Variants in LIPH observed in about 807,000 individuals in gnomAD.
The protein encoded by LIPH is lipase member H.
LIPH carries 32 observed loss-of-function variants against 47.6 expected under a neutral mutation model. That is an observed-to-expected ratio of 0.67 (90% CI 0.51 to 0.90). The LOEUF (loss-of-function observed/expected upper bound fraction) is 0.90, where lower values mean the gene tolerates loss of function less well. Among genes scored for constraint, LIPH ranks in the 40% least tolerant of loss-of-function variants. The probability of loss-of-function intolerance (pLI) is 0.00; values close to 1 mark genes in which losing one functional copy is unlikely to be tolerated. For missense variants in LIPH, 497 were observed against 541.4 expected (o/e 0.92, Z 0.81); for synonymous variants, 190 against 195.6 (o/e 0.97, Z 0.24).
intron 3 of LIPH, among the ~76,000 whole-genome samples, chr3:185,530,102 C>T (rs942188625): frequency 7.9e-5 from 12 of 152,032 alleles, no homozygotes; most frequent in African/African-American, 2.7e-4. Flanking sequence ...GGCTTGAGGC[C>T]GGGAGTTTGA....
At chr3:185,541,171 C>T (rs1417142236) in intron 1 of LIPH, among the ~76,000 whole-genome samples, 2 of 152,066 alleles carry the variant, frequency 1.3e-5, no homozygotes, top group African/African-American at 2.4e-5. Flanking sequence ...ATGTTTAAGC[C>T]TCTGTGTATT....
intron 8 of LIPH, among the ~76,000 whole-genome samples, chr3:185,513,729 T>C (rs1461129419): frequency 6.6e-6 from 1 of 152,024 alleles, no homozygotes; most frequent in African/African-American, 2.4e-5. Flanking sequence ...TATAATCAAA[T>C]ATTACTCAGC....
At chr3:185,542,712 C>T (rs1720750487) in intron 1 of LIPH, among the ~76,000 whole-genome samples, 1 of 152,146 alleles carries the variant, frequency 6.6e-6, no homozygotes, top group South Asian at 2.1e-4. Flanking sequence ...GATATGGAAT[C>T]AACCTAAGTG....
chr3:185,549,472 G>A (rs1276064715), intron 1 of LIPH, among the ~76,000 whole-genome samples: 1 of 152,132 alleles, frequency 6.6e-6, no homozygotes, highest in African/African-American at 2.4e-5. Context: ...ATTTTTTCTG[G>A]GAAAATATCT....
intron 1 of LIPH, among the ~76,000 whole-genome samples, chr3:185,540,443 C>T (rs994512640): frequency 6.6e-6 from 1 of 152,112 alleles, no homozygotes; most frequent in East Asian, 1.9e-4. Context: ...TAAGGCTGGG[C>T]CTGGTGGCTC....
intron 9 of LIPH, among the ~76,000 whole-genome samples, chr3:185,510,375 T>C (rs191708201): frequency 0.011 from 1,688 of 152,330 alleles, 13 homozygotes; most frequent in Non-Finnish European, 0.017. Flanking sequence ...AAAACATACA[T>C]GTCAACACAG....
intron 5 of LIPH, among the ~76,000 whole-genome samples, chr3:185,523,149 A>T (rs1288488407): frequency 6.6e-6 from 1 of 152,084 alleles, no homozygotes; most frequent in African/African-American, 2.4e-5. Flanking sequence ...ACATCTTTGC[A>T]CTCTAATTCT....
intron 1 of LIPH, among the ~76,000 whole-genome samples, chr3:185,542,280 C>A (rs1188689163): frequency 6.6e-6 from 1 of 151,948 alleles, no homozygotes; most frequent in African/African-American, 2.4e-5. Flanking sequence ...AGATGACAGT[C>A]ACTTAGTGCC....
At chr3:185,527,333 C>T in intron 4 of LIPH, 151 bp downstream of exon 4, 1 of 714,008 alleles carries the variant, frequency 1.4e-6, no homozygotes, top group East Asian at 2.7e-5. Context: ...AACCAGCTTC[C>T]CTTCAATATT....
chr3:185,522,650 A>AAAAG (rs59353669), intron 5 of LIPH, among the ~76,000 whole-genome samples: 1,476 of 141,948 alleles, frequency 0.01, 32 homozygotes, highest in African/African-American at 0.035. Flanking sequence ...GAGAGAAAGA[A>AAAAG]AAAGAAAGAA....
At chr3:185,535,805 G>C (rs2148960171) in intron 1 of LIPH, among the ~76,000 whole-genome samples, 1 of 152,136 alleles carries the variant, frequency 6.6e-6, no homozygotes, top group East Asian at 1.9e-4. Context: ...GTTTCACCAT[G>C]TTGGCCAGGC....
chr3:185,522,383 C>T (rs1440592568), intron 5 of LIPH, among the ~76,000 whole-genome samples: 2 of 151,576 alleles, frequency 1.3e-5, no homozygotes, highest in African/African-American at 2.4e-5. Context: ...GTAGCTCACA[C>T]CTGTAATCCT....
chr3:185,520,701 A>G (rs1719875948), intron 5 of LIPH, among the ~76,000 whole-genome samples: 1 of 152,086 alleles, frequency 6.6e-6, no homozygotes, highest in Non-Finnish European at 1.5e-5. Context: ...ACAAAAATCG[A>G]GAGAAGGATA....
chr3:185,537,438 G>T (rs1016651349), intron 1 of LIPH, among the ~76,000 whole-genome samples: 1 of 152,014 alleles, frequency 6.6e-6, no homozygotes, highest in Non-Finnish European at 1.5e-5. Context: ...TCGTGATTAA[G>T]TATTTTCTCC....
In LIPH at chr3:185,533,295, G is replaced by A. The variant is rs113808819; in HGVS notation, c.526+276C>T. Among the ~76,000 whole-genome samples, 1,472 of 152,192 alleles carry A rather than the reference G, an allele frequency of 9.7e-3. 27 individuals are homozygous for A. The highest frequency in any genetic ancestry group is 0.034 in the African/African-American group (1,400 of 41,514). ...GTTTGCGGCACACAGATTTGAATGG[G>A]ACATAGCTGTTTTTCCAGCCATAAT... On this transcript the variant is annotated intron_variant, in intron 3 of 9. Transcript: ENST00000296252.
chr3:185,534,248 C>T (rs1191439889), intron 2 of LIPH, among the ~76,000 whole-genome samples: 6 of 151,730 alleles, frequency 4.0e-5, no homozygotes, highest in South Asian at 2.1e-4. Context: ...CCCAGCTACT[C>T]GGGGGGCTGA....
At chr3:185,531,178 A>G (rs1437933111) in intron 3 of LIPH, among the ~76,000 whole-genome samples, 1 of 152,216 alleles carries the variant, frequency 6.6e-6, no homozygotes. Flanking sequence ...GTGTGCCCTT[A>G]GGCAGGTTAC....
intron 6 of LIPH, among the ~76,000 whole-genome samples, chr3:185,518,117 C>T (rs1719787673): frequency 6.6e-6 from 1 of 152,138 alleles, no homozygotes; most frequent in Admixed American, 6.6e-5. Flanking sequence ...GTATTCCTGT[C>T]CCCACAGGAG....
chr3:185,544,461 C>A (rs568804783), intron 1 of LIPH, among the ~76,000 whole-genome samples: 1 of 152,042 alleles, frequency 6.6e-6, no homozygotes, highest in South Asian at 2.1e-4. Context: ...TCAAGTGATT[C>A]TCCTGCCTCA....
Sources: gnomAD v4.1 joint callset for allele counts (sites outside exome capture counted in the v4.1 genomes callset) on GRCh38, gnomAD v4.1.1 for gene constraint, MANE v1.5 for transcripts, NCBI Gene and HGNC (gene_info 2026-07-23, HGNC 2026-07-21) for gene names.